KDM5A: variants seen among roughly 807,000 people sequenced by gnomAD.
KDM5A encodes the protein lysine demethylase 5A.
KDM5A carries 42 observed loss-of-function variants against 193.5 expected under a neutral mutation model. The ratio of observed to expected loss-of-function variants is 0.22; its 90% CI spans 0.17 to 0.28. The LOEUF (loss-of-function observed/expected upper bound fraction) is 0.28, where lower values mean the gene tolerates loss of function less well. Ranked by LOEUF, KDM5A falls within the 10% of genes least tolerant of loss-of-function variation. The pLI is 1.00. For missense variants in KDM5A, 1,692 were observed against 2,055.1 expected, an observed-to-expected ratio of 0.82 and a Z score of 3.42; for synonymous variants, 796 against 718.1, an observed-to-expected ratio of 1.11 and a Z score of -1.73.
chr12:362,095 A>G (rs1004697607), intron 5 of KDM5A, among the ~76,000 whole-genome samples: 1 of 152,156 alleles, frequency 6.6e-6, no homozygotes. Context: ...TTGTTTCCTT[A>G]AACGTTAAAA....
chr12:333,351 T>C, intron 12 of KDM5A, 136 bp downstream of exon 12: 1 of 910,858 alleles, frequency 1.1e-6, no homozygotes, highest in South Asian at 1.4e-5. Context: ...CTGAGCAGGC[T>C]GAGGCTGCAA....
At chr12:299,532 G>C (rs1943415646) in intron 24 of KDM5A, among the ~76,000 whole-genome samples, 1 of 152,078 alleles carries the variant, frequency 6.6e-6, no homozygotes, top group Non-Finnish European at 1.5e-5. Flanking sequence ...TGCCTTACAA[G>C]AGCTCCTGAA....
intron 3 of KDM5A, among the ~76,000 whole-genome samples, chr12:369,398 T>C (rs1040415470): frequency 6.6e-6 from 1 of 152,166 alleles, no homozygotes; most frequent in Non-Finnish European, 1.5e-5. Context: ...TCACATTTTA[T>C]GAATAAAACA....
intron 3 of KDM5A, among the ~76,000 whole-genome samples, chr12:377,034 GAA>G (rs35475782): frequency 6.7e-6 from 1 of 148,286 alleles, no homozygotes; most frequent in Admixed American, 6.7e-5. Context: ...CTAAAACAAG[GAA>G]AAAAAAAAAG....
chr12:312,891 T>C (rs1453355472), intron 20 of KDM5A, among the ~76,000 whole-genome samples, 165 bp downstream of exon 20: 1 of 152,212 alleles, frequency 6.6e-6, no homozygotes, highest in African/African-American at 2.4e-5. Flanking sequence ...TTCTACTCAA[T>C]GCATATCACT....
chr12:336,834 C>CA (rs11292144), intron 10 of KDM5A, among the ~76,000 whole-genome samples: 5,440 of 122,002 alleles, frequency 0.045, 175 homozygotes, highest in African/African-American at 0.11. Context: ...GACTCCATCT[C>CA]AAAAAAAAAA....
intron 5 of KDM5A, among the ~76,000 whole-genome samples, chr12:357,168 C>G (rs1944237486): frequency 6.6e-6 from 1 of 152,010 alleles, no homozygotes; most frequent in Non-Finnish European, 1.5e-5. Flanking sequence ...GTAGTCCCAG[C>G]TACTTGGGAG....
At chr12:373,694 C>G (rs1944463278) in intron 3 of KDM5A, among the ~76,000 whole-genome samples, 1 of 152,158 alleles carries the variant, frequency 6.6e-6, no homozygotes, top group Non-Finnish European at 1.5e-5. Flanking sequence ...TTAGATCTTT[C>G]CTGCTTTCTC....
At chr12:343,742 A>C (rs1327209410) in intron 10 of KDM5A, among the ~76,000 whole-genome samples, 1 of 152,220 alleles carries the variant, frequency 6.6e-6, no homozygotes, top group East Asian at 1.9e-4. Context: ...GGTCATCTAT[A>C]CCAAAACCCC....
chr12:345,600 G>A (rs1591923641), intron 10 of KDM5A, among the ~76,000 whole-genome samples: 1 of 152,138 alleles, frequency 6.6e-6, no homozygotes, highest in South Asian at 2.1e-4. Context: ...TAGAACTCAG[G>A]ATTAAGAAAC....
intron 3 of KDM5A, among the ~76,000 whole-genome samples, chr12:366,879 G>A (rs1264921749): frequency 6.6e-6 from 1 of 152,192 alleles, no homozygotes; most frequent in African/African-American, 2.4e-5. Context: ...ATATATGACA[G>A]TGCTCCCATA....
Position 307,238 on chromosome 12 carries a change from A to G in KDM5A, c.3931-149T>C. ...TTAGTAGAAATCAAATTATTTGATT[A>G]TGATGCCAAAGTCCACCTGAATGAT... is the stretch of plus-strand genomic sequence containing the variant. On this transcript the variant is annotated intron_variant, in intron 23 of 27. Coordinates refer to ENST00000399788, the MANE Select transcript of KDM5A (RefSeq NM_001042603.3). This position sits in a 1 kb window ranked among gnomAD's most constrained non-coding sequence, Gnocchi z 4.3. 1 of 1,072,560 alleles carries G rather than the reference A, an allele frequency of 9.3e-7. No homozygotes were observed. Among genetic ancestry groups the G allele is most frequent in the Non-Finnish European group, 1.4e-6 (1 of 719,430 alleles). The allele number at this position is 1,072,560 out of a possible 1,614,324, so 66.4% of individuals were successfully genotyped here.
intron 24 of KDM5A, among the ~76,000 whole-genome samples, chr12:305,545 T>C (rs1943493397): frequency 6.6e-6 from 1 of 152,192 alleles, no homozygotes; most frequent in African/African-American, 2.4e-5. Flanking sequence ...CTCCCCTTGT[T>C]CTCTGGAAGC....
Position 307,304 on chromosome 12 carries a change from T to C in KDM5A, c.3930+150A>G. 2.0e-6 allele frequency: 2 copies of C among 980,852 alleles called. No individual in the cohort carries two copies. Among genetic ancestry groups the C allele is most frequent in the South Asian group, 2.8e-5 (2 of 71,626 alleles). The allele number at this position is 980,852 out of a possible 1,614,324, so 60.8% of individuals were successfully genotyped here. ...TCACTAAGTACGTATCCAAAAAAAG[T>C]GCTATAGTGTATGTTGAAGGAGAAT... On this transcript the variant is annotated intron_variant, in intron 23 of 27. Coordinates refer to ENST00000399788, the MANE Select transcript of KDM5A (RefSeq NM_001042603.3). The surrounding 1 kb of genome is among the most constrained non-coding windows in gnomAD (Gnocchi z 4.3).
At chr12:311,836 C>T (rs895246188) in intron 20 of KDM5A, among the ~76,000 whole-genome samples, 5 of 152,170 alleles carry the variant, frequency 3.3e-5, no homozygotes, top group African/African-American at 9.7e-5. Context: ...GACTTCAAGA[C>T]CAGCCTGGCC....
At chr12:316,596 C>T (rs1477102115) in intron 19 of KDM5A, among the ~76,000 whole-genome samples, 1 of 152,176 alleles carries the variant, frequency 6.6e-6, no homozygotes, top group Non-Finnish European at 1.5e-5. Flanking sequence ...ATTTGGTGGC[C>T]TACTACCAGG....
chr12:300,727 T>A (rs562318520), intron 24 of KDM5A, among the ~76,000 whole-genome samples: 2 of 152,084 alleles, frequency 1.3e-5, no homozygotes, highest in South Asian at 4.1e-4. Context: ...CTTCAAAACA[T>A]CAATGAATCC....
At position 291,686 on chromosome 12, in the gene KDM5A, A is replaced by G. The variant is rs1943296083; in HGVS notation, c.4866+1073T>C. On this transcript the variant is annotated intron_variant, in intron 27 of 27. Transcript: ENST00000399788. ...GGCACTATTAGAATTCTAAATATCA[A>G]ATAGTATAATGAGCATAATAAAATT... 2.0e-5 allele frequency among the ~76,000 whole-genome samples: 3 copies of G among 152,196 alleles called. No individual in the cohort carries two copies. In the South Asian group the frequency reaches 6.2e-4, roughly 31 times the overall value.
At chr12:366,835 G>A (rs1457092198) in intron 3 of KDM5A, among the ~76,000 whole-genome samples, 1 of 152,204 alleles carries the variant, frequency 6.6e-6, no homozygotes, top group African/African-American at 2.4e-5. Flanking sequence ...ATACAGTCAT[G>A]CACTGCATAA....
Sources: allele counts gnomAD v4.1 joint callset (sites outside exome capture counted in the v4.1 genomes callset), GRCh38; gene constraint gnomAD v4.1.1; non-coding constraint Gnocchi (gnomAD v3.1); transcripts MANE v1.5; gene names NCBI Gene and HGNC (gene_info 2026-07-23, HGNC 2026-07-21).